Variants in TAFA5 observed in about 807,000 individuals in gnomAD.
The protein encoded by TAFA5 is chemokine-like protein TAFA-5.
In TAFA5, 6 loss-of-function variants were observed where a neutral mutation model predicts 15.3. The ratio of observed to expected loss-of-function variants is 0.39; its 90% CI spans 0.21 to 0.77. The LOEUF (loss-of-function observed/expected upper bound fraction) is 0.77. Ranked by LOEUF, TAFA5 falls within the 30% of genes least tolerant of loss-of-function variation. The pLI is 0.41. For missense variants in TAFA5, 161 were observed against 193.1 expected (o/e 0.83, Z 0.98); for synonymous variants, 103 against 80.7 (o/e 1.28, Z -1.48).
intron 1 of TAFA5, among the ~76,000 whole-genome samples, chr22:48,605,380 G>A (rs1925147194): frequency 6.6e-6 from 1 of 151,728 alleles, no homozygotes; most frequent in Non-Finnish European, 1.5e-5. Flanking sequence ...TGTTGATGGT[G>A]ATCATGGTGG....
rs761840047 is a variant in TAFA5, at chr22:48,707,844, G to A, written c.390G>A (p.Thr130=). 1.9e-5 allele frequency: 31 copies of A among 1,612,696 alleles called. No individual in the cohort carries two copies. The highest frequency in any genetic ancestry group is 2.7e-5 in the African/African-American group (2 of 74,934). The change falls in exon 3 of 4, where the codon ACG becomes ACA. Residue 130 remains threonine (T), a splice_region_variant and synonymous_variant. Transcript: ENST00000402357. ...TQPGGRIKTT[T]VS ...CCGGCGGGAGGATAAAGACCACCAC[G>A]GTATGTGGCCCTCGGCTTTCTCGTG...
chr22:48,662,232 T>A (rs763020133), intron 2 of TAFA5, among the ~76,000 whole-genome samples: 3 of 151,924 alleles, frequency 2.0e-5, no homozygotes, highest in Admixed American at 2.0e-4. Context: ...GCACAAGGCT[T>A]GGAGGTTGGC....
chr22:48,540,454 T>C (rs1922325784), intron 1 of TAFA5, among the ~76,000 whole-genome samples: 1 of 152,180 alleles, frequency 6.6e-6, no homozygotes, highest in African/African-American at 2.4e-5. Flanking sequence ...TTACCCGACC[T>C]CTCTGCTCCA....
rs76021670 is a variant in TAFA5 at position 48,496,177 on chromosome 22, G to A, written c.112+6473G>A. Among the ~76,000 whole-genome samples the A allele has an allele frequency of 3.0e-3, 457 of 152,350 alleles. 9 individuals carry two copies. The East Asian group carries it at 0.044, about 15-fold the overall frequency. On this transcript the variant is annotated intron_variant, in intron 1 of 3. Transcript: ENST00000402357. ...CCCCATCCCCTCTCCAGTGCTGTGC[G>A]TGTGTGTTGTGGTGGCCACTGTCGG...
chr22:48,672,958 C>T (rs1601660499), intron 2 of TAFA5, among the ~76,000 whole-genome samples: 1 of 152,178 alleles, frequency 6.6e-6, no homozygotes, highest in East Asian at 1.9e-4. Flanking sequence ...GCCCTGGATG[C>T]CGAGTCCTGA....
chr22:48,631,014 A>G (rs13055683), intron 1 of TAFA5, among the ~76,000 whole-genome samples: 70,577 of 152,076 alleles, frequency 0.46, 17,608 homozygotes, highest in African/African-American at 0.65. Context: ...GGCGCTCTGG[A>G]ATGCAGCGTG....
At chr22:48,636,202 C>G (rs1019984156) in intron 1 of TAFA5, among the ~76,000 whole-genome samples, 1 of 152,204 alleles carries the variant, frequency 6.6e-6, no homozygotes, top group Non-Finnish European at 1.5e-5. Flanking sequence ...TTCCTGAGAT[C>G]GTTGACTTTG....
intron 1 of TAFA5, among the ~76,000 whole-genome samples, chr22:48,640,340 C>A (rs1182842448): frequency 2.0e-5 from 3 of 152,188 alleles, no homozygotes; most frequent in African/African-American, 7.2e-5. Context: ...CACCCACCGC[C>A]CCCTGCATGC....
chr22:48,548,131 C>T (rs948347740), intron 1 of TAFA5, among the ~76,000 whole-genome samples: 6 of 152,176 alleles, frequency 3.9e-5, no homozygotes, highest in Admixed American at 2.6e-4. Flanking sequence ...GCAGGAGGCC[C>T]GGGGGTGCCT....
intron 1 of TAFA5, among the ~76,000 whole-genome samples, chr22:48,613,506 A>G (rs1221396805): frequency 6.6e-6 from 1 of 151,750 alleles, no homozygotes. Context: ...TCTCTGTCTC[A>G]TCTCCTGAGC....
intron 1 of TAFA5, among the ~76,000 whole-genome samples, chr22:48,601,042 C>T (rs1176762061): frequency 2.0e-5 from 3 of 152,234 alleles, no homozygotes; most frequent in Non-Finnish European, 2.9e-5. Context: ...GAAGGGAGGA[C>T]GTACAGTCAG....
intron 1 of TAFA5, among the ~76,000 whole-genome samples, chr22:48,494,672 T>C (rs1473576491): frequency 6.6e-6 from 1 of 152,174 alleles, no homozygotes; most frequent in African/African-American, 2.4e-5. Flanking sequence ...GTGGAGGCCC[T>C]GGATAGGCCT....
chr22:48,666,951 G>C (rs1035617513), intron 2 of TAFA5, among the ~76,000 whole-genome samples: 2 of 152,166 alleles, frequency 1.3e-5, no homozygotes, highest in African/African-American at 4.8e-5. Flanking sequence ...TGGGCGTCCA[G>C]AGAGTCACCC....
At chr22:48,664,842 C>T (rs1049172023) in intron 2 of TAFA5, among the ~76,000 whole-genome samples, 51 of 152,182 alleles carry the variant, frequency 3.4e-4, no homozygotes, top group Admixed American at 1.2e-3. Context: ...GTGCCAAGGA[C>T]GGTAGACGTA....
chr22:48,713,524 C>T (rs759269499), intron 3 of TAFA5, among the ~76,000 whole-genome samples: 19 of 152,218 alleles, frequency 1.2e-4, no homozygotes, highest in African/African-American at 4.1e-4. Context: ...AGCCTGCCGG[C>T]GAGTTCTGGA....
intron 2 of TAFA5, chr22:48,693,275 C>T: frequency 1.3e-6 from 2 of 1,581,024 alleles, no homozygotes; most frequent in South Asian, 1.2e-5. Context: ...CCTTTTCATC[C>T]CATAATTCTG....
intron 1 of TAFA5, among the ~76,000 whole-genome samples, chr22:48,582,943 C>T (rs1316425400): frequency 8.4e-6 from 1 of 119,256 alleles, no homozygotes; most frequent in East Asian, 2.6e-4. Flanking sequence ...CGAAATACAC[C>T]ACATGCCACA....
intron 1 of TAFA5, among the ~76,000 whole-genome samples, chr22:48,584,465 C>G (rs950364771): frequency 2.0e-5 from 3 of 150,580 alleles, no homozygotes; most frequent in African/African-American, 4.9e-5. Flanking sequence ...ACACCACACA[C>G]AAAATATACT....
intron 1 of TAFA5, among the ~76,000 whole-genome samples, chr22:48,589,750 C>T (rs1035567593): frequency 2.6e-5 from 4 of 152,078 alleles, no homozygotes; most frequent in East Asian, 1.9e-4. Context: ...TGTGGCCACA[C>T]GCTGAGGAGC....
Sources: gnomAD v4.1 joint callset for allele counts (sites outside exome capture counted in the v4.1 genomes callset) on GRCh38, gnomAD v4.1.1 for gene constraint, MANE v1.5 for transcripts, NCBI Gene and HGNC (gene_info 2026-07-23, HGNC 2026-07-21) for gene names.